MARCHF5: variants seen among roughly 807,000 people sequenced by gnomAD.
MARCHF5 encodes E3 ubiquitin-protein ligase MARCHF5.
MARCHF5 carries 5 observed loss-of-function variants against 36.5 expected under a neutral mutation model. That is an observed-to-expected ratio of 0.14 (90% CI 0.07 to 0.29). MARCHF5 has a LOEUF of 0.29. Ranked by LOEUF, MARCHF5 falls within the 10% of genes least tolerant of loss-of-function variation. The pLI, the probability that MARCHF5 is intolerant of heterozygous loss-of-function variation, is 1.00. For synonymous variants in MARCHF5, 103 were observed against 109.9 expected (o/e 0.94, Z 0.39); for missense variants, 179 against 336.3 (o/e 0.53, Z 3.66).
intron 2 of MARCHF5, among the ~76,000 whole-genome samples, chr10:92,316,398 T>C (rs1020184963): frequency 1.3e-5 from 2 of 152,168 alleles, no homozygotes; most frequent in Non-Finnish European, 2.9e-5. Context: ...TTTTTTCTTT[T>C]TTTCTGGTGA....
At chr10:92,319,094 T>G (rs1843253398) in intron 2 of MARCHF5, among the ~76,000 whole-genome samples, 1 of 152,176 alleles carries the variant, frequency 6.6e-6, no homozygotes, top group Non-Finnish European at 1.5e-5. Context: ...AAGATTATAA[T>G]TGAGTCGAAA....
At chr10:92,322,721 C>A (rs948585212) in intron 2 of MARCHF5, among the ~76,000 whole-genome samples, 15 of 149,924 alleles carry the variant, frequency 1.0e-4, no homozygotes, top group African/African-American at 3.7e-4. Flanking sequence ...AGTGCACCAT[C>A]ACATCTAGCC....
At position 92,353,591 on chromosome 10, in the gene MARCHF5, A is replaced by G. The variant is rs561398191; in HGVS notation, c.*2384A>G. 24 of 152,590 alleles carry G rather than the reference A, an allele frequency of 1.6e-4. No individual in the cohort carries two copies. In the South Asian group the frequency reaches 4.4e-3, roughly 28 times the overall value. 9.5% of individuals were successfully genotyped at this position (152,590 alleles called of 1,614,324 possible). On this transcript the variant is annotated 3_prime_UTR_variant, in exon 6 of 6. Transcript: ENST00000358935. ...GGAAAAGTAAATGGAGAGGTAAAAG[A>G]AAGGCATTGGGGACAAATGAAAGAG...
chr10:92,294,163 T>C (rs1391530418), intron 1 of MARCHF5, among the ~76,000 whole-genome samples: 3 of 152,208 alleles, frequency 2.0e-5, no homozygotes, highest in African/African-American at 7.2e-5. Context: ...GTCAGTGATA[T>C]CTTTCATGAT....
chr10:92,337,493 G>A (rs905612769), intron 2 of MARCHF5, among the ~76,000 whole-genome samples: 2 of 151,946 alleles, frequency 1.3e-5, no homozygotes, highest in Non-Finnish European at 1.5e-5. Flanking sequence ...ATTCCACCCT[G>A]GGCAACAAGA....
intron 4 of MARCHF5, 41 bp downstream of exon 4, chr10:92,349,573 G>C: frequency 6.3e-7 from 1 of 1,597,014 alleles, no homozygotes; most frequent in East Asian, 2.2e-5. Context: ...ATACCAAATT[G>C]ATCTTGAAGA....
chr10:92,317,093 GA>G (rs1169226484), intron 2 of MARCHF5, among the ~76,000 whole-genome samples: 1 of 151,998 alleles, frequency 6.6e-6, no homozygotes, highest in Non-Finnish European at 1.5e-5. Context: ...ATTCACACTA[GA>G]TTTATTTTCT....
At chr10:92,307,413 G>T (rs756598251) in intron 1 of MARCHF5, among the ~76,000 whole-genome samples, 1 of 152,046 alleles carries the variant, frequency 6.6e-6, no homozygotes, top group Non-Finnish European at 1.5e-5. Context: ...TAGTAAGATA[G>T]CAAATCAGTT....
chr10:92,316,729 A>AT (rs140506313), intron 2 of MARCHF5, among the ~76,000 whole-genome samples: 50,248 of 149,718 alleles, frequency 0.34, 10,504 homozygotes, highest in Middle Eastern at 0.51. Context: ...CACCCAGCTA[A>AT]TTTTTTTTTT....
intron 2 of MARCHF5, among the ~76,000 whole-genome samples, chr10:92,321,031 A>G (rs768286986): frequency 3.3e-5 from 5 of 152,024 alleles, no homozygotes; most frequent in Non-Finnish European, 5.9e-5. Context: ...AGGAACGCAA[A>G]TACCATTGTA....
chr10:92,295,949 C>A (rs1842945330), intron 1 of MARCHF5, among the ~76,000 whole-genome samples: 1 of 151,144 alleles, frequency 6.6e-6, no homozygotes, highest in African/African-American at 2.4e-5. Flanking sequence ...GATCTCGGTT[C>A]ACCACAACCT....
At position 92,328,771 on chromosome 10, in the gene MARCHF5, A is replaced by G. The variant is rs1007619205; in HGVS notation, c.239-11902A>G. Among the ~76,000 whole-genome samples, 3 of 148,998 alleles carry G rather than the reference A, an allele frequency of 2.0e-5. No homozygotes were observed. In the East Asian group the frequency reaches 5.9e-4, roughly 29 times the overall value. On this transcript the variant is annotated intron_variant, in intron 2 of 5. Transcript: ENST00000358935. ...GCCCTATCCTCTGCATTTTGTGTAA[A>G]CTGGTGTTTAGATCTTGTCAGTGAG...
Position 92,312,766 on chromosome 10 carries a change from T to C in MARCHF5, c.238+1429T>C, listed in dbSNP as rs1843159369. Among the ~76,000 whole-genome samples, 4 of 152,360 alleles carry C rather than the reference T, an allele frequency of 2.6e-5. No individual in the cohort carries two copies. The South Asian group carries it at 8.3e-4, about 32-fold the overall frequency. On this transcript the variant is annotated intron_variant, in intron 2 of 5. Transcript: ENST00000358935. ...CAAAAATTATTACAAGAATTCTCAC[T>C]GAAAACTACATCAAGTTGACAAGTG...
At chr10:92,348,272 T>G (rs1467805224) in intron 3 of MARCHF5, among the ~76,000 whole-genome samples, 1 of 151,848 alleles carries the variant, frequency 6.6e-6, no homozygotes, top group African/African-American at 2.4e-5. Context: ...GCTGATCACC[T>G]GAGGTCAGGA....
At chr10:92,320,340 A>G (rs986504722) in intron 2 of MARCHF5, among the ~76,000 whole-genome samples, 1 of 152,146 alleles carries the variant, frequency 6.6e-6, no homozygotes, top group African/African-American at 2.4e-5. Flanking sequence ...TACAGGCATG[A>G]TCCACCATAC....
At chr10:92,332,669 C>T (rs769793069) in intron 2 of MARCHF5, among the ~76,000 whole-genome samples, 22 of 151,510 alleles carry the variant, frequency 1.5e-4, no homozygotes, top group South Asian at 2.1e-4. Context: ...TACAGGCGCA[C>T]GCCACCATGC....
intron 1 of MARCHF5, among the ~76,000 whole-genome samples, chr10:92,295,403 A>ATTTTTTTTTTTT (rs1218569309): frequency 3.0e-5 from 2 of 67,584 alleles, no homozygotes; most frequent in Non-Finnish European, 6.4e-5. Flanking sequence ...TTATTTATTT[A>ATTTTTTTTTTTT]TTTATTTTTT....
intron 1 of MARCHF5, among the ~76,000 whole-genome samples, chr10:92,294,715 ATTG>A (rs1842928395): frequency 6.6e-6 from 1 of 152,132 alleles, no homozygotes; most frequent in South Asian, 2.1e-4. Context: ...TGTGTTACAT[ATTG>A]TTCTGTTGCT....
At chr10:92,300,082 G>T (rs1030261771) in intron 1 of MARCHF5, among the ~76,000 whole-genome samples, 3 of 151,676 alleles carry the variant, frequency 2.0e-5, no homozygotes, top group African/African-American at 7.3e-5. Flanking sequence ...GTTCACTTGA[G>T]CCTGGGAGAT....
Sources: gnomAD v4.1 joint callset for allele counts (sites outside exome capture counted in the v4.1 genomes callset) on GRCh38, gnomAD v4.1.1 for gene constraint, MANE v1.5 for transcripts, NCBI Gene and HGNC (gene_info 2026-07-23, HGNC 2026-07-21) for gene names.